The following SNX29 variants were observed in gnomAD, a reference collection of about 807,000 sequenced individuals.
The protein encoded by SNX29 is sorting nexin 29.
In SNX29, 78 loss-of-function variants were observed where a neutral mutation model predicts 102.1. The ratio of observed to expected loss-of-function variants is 0.76; its 90% confidence interval spans 0.64 to 0.92. The LOEUF is 0.92. SNX29 is among the 40% of genes least tolerant of loss of function. The pLI is 0.00. For missense variants in SNX29, 1,280 were observed against 1,061.7 expected (o/e 1.21, Z -2.86); for synonymous variants, 580 against 414.5 (o/e 1.40, Z -4.85).
At chr16:12,332,335 C>T (rs943279352) in intron 15 of SNX29, among the ~76,000 whole-genome samples, 1 of 152,164 alleles carries the variant, frequency 6.6e-6, no homozygotes, top group African/African-American at 2.4e-5. Flanking sequence ...CTTTCCCCTG[C>T]ATGAAGCTCC....
chr16:12,158,050 A>G (rs1490648229), intron 13 of SNX29, among the ~76,000 whole-genome samples: 1 of 150,832 alleles, frequency 6.6e-6, no homozygotes, highest in Non-Finnish European at 1.5e-5. Flanking sequence ...GACCAACTCC[A>G]GCTGACCGTG....
intron 13 of SNX29, among the ~76,000 whole-genome samples, chr16:12,194,249 T>C (rs369540212): frequency 3.0e-4 from 45 of 152,356 alleles, no homozygotes; most frequent in African/African-American, 9.6e-4. Context: ...GGAGCTGTTA[T>C]AAATGATTCT....
intron 18 of SNX29, among the ~76,000 whole-genome samples, chr16:12,440,706 T>C (rs1597387124): frequency 6.6e-6 from 1 of 152,278 alleles, no homozygotes; most frequent in South Asian, 2.1e-4. Context: ...ATTTTCTGTT[T>C]CTGTGTTAGT....
chr16:12,479,049 T>G (rs1243026922), intron 19 of SNX29, among the ~76,000 whole-genome samples: 1 of 152,224 alleles, frequency 6.6e-6, no homozygotes, highest in African/African-American at 2.4e-5. Flanking sequence ...ATGGTTGTTC[T>G]CAAAGTGTGA....
intron 20 of SNX29, among the ~76,000 whole-genome samples, chr16:12,555,874 C>T (rs989191615): frequency 2.6e-5 from 4 of 151,932 alleles, no homozygotes; most frequent in East Asian, 3.9e-4. Flanking sequence ...CTCCAGAGGC[C>T]GTGCTTTCTG....
intron 20 of SNX29, among the ~76,000 whole-genome samples, chr16:12,554,426 CCTG>C (rs1479061027): frequency 4.6e-5 from 7 of 152,194 alleles, no homozygotes; most frequent in Non-Finnish European, 5.9e-5. Context: ...GTCAGCGTGT[CCTG>C]CTGTTTCCGC....
At chr16:12,507,178 A>G (rs1426684145) in intron 19 of SNX29, among the ~76,000 whole-genome samples, 1 of 152,156 alleles carries the variant, frequency 6.6e-6, no homozygotes, top group Non-Finnish European at 1.5e-5. Context: ...AGACCTGGTA[A>G]GTGGTGCAGC....
intron 20 of SNX29, chr16:12,557,306 G>A (rs1429145207): frequency 6.6e-6 from 1 of 152,212 alleles, no homozygotes; most frequent in Non-Finnish European, 1.5e-5. Context: ...GTACAATTTA[G>A]TGGCAAAGTC....
intron 13 of SNX29, among the ~76,000 whole-genome samples, chr16:12,188,662 C>T (rs1304707924): frequency 6.6e-6 from 1 of 152,118 alleles, no homozygotes; most frequent in East Asian, 1.9e-4. Flanking sequence ...TACCAGGTGG[C>T]TAATGAGATG....
At chr16:12,434,724 C>G (rs1485994674) in intron 18 of SNX29, among the ~76,000 whole-genome samples, 1 of 152,094 alleles carries the variant, frequency 6.6e-6, no homozygotes, top group African/African-American at 2.4e-5. Context: ...CCCTGCTGAC[C>G]TCATCCAGGA....
At chr16:12,258,870 T>A (rs1348932272) in intron 14 of SNX29, among the ~76,000 whole-genome samples, 1 of 152,184 alleles carries the variant, frequency 6.6e-6, no homozygotes, top group East Asian at 1.9e-4. Flanking sequence ...AAGGAGGACT[T>A]CCAGCCTCCC....
At chr16:12,288,701 TAATG>T (rs2079689850) in intron 15 of SNX29, among the ~76,000 whole-genome samples, 1 of 149,050 alleles carries the variant, frequency 6.7e-6, no homozygotes, top group African/African-American at 2.5e-5. Flanking sequence ...AAAAAAAAGA[TAATG>T]AAGGTAATAG....
chr16:12,175,426 C>T (rs1176771749), intron 13 of SNX29, among the ~76,000 whole-genome samples: 2 of 151,690 alleles, frequency 1.3e-5, no homozygotes, highest in Non-Finnish European at 1.5e-5. Context: ...GTCAGGAGTT[C>T]GAGCCCAGCC....
intron 13 of SNX29, among the ~76,000 whole-genome samples, chr16:12,161,180 C>G (rs1335510182): frequency 6.6e-6 from 1 of 152,188 alleles, no homozygotes; most frequent in Non-Finnish European, 1.5e-5. Context: ...AATTCATGGC[C>G]CTTGAAGCCA....
At chr16:12,332,788 C>T (rs209834) in intron 15 of SNX29, among the ~76,000 whole-genome samples, 59,116 of 152,016 alleles carry the variant, frequency 0.39, 13,308 homozygotes, top group Non-Finnish European at 0.53. Flanking sequence ...CTGGTCTCCT[C>T]GTCAGTCCTC....
intron 13 of SNX29, among the ~76,000 whole-genome samples, chr16:12,196,966 C>T (rs1472364777): frequency 6.6e-6 from 1 of 152,112 alleles, no homozygotes; most frequent in African/African-American, 2.4e-5. Context: ...TGAAAGATTT[C>T]TTCAAACTAG....
chr16:12,076,847 C>T (rs376091477), intron 10 of SNX29, among the ~76,000 whole-genome samples: 1 of 152,192 alleles, frequency 6.6e-6, no homozygotes, highest in East Asian at 1.9e-4. Context: ...CATGGTCTTA[C>T]CTGGAACAGT....
At chr16:12,182,304 C>A (rs1228135839) in intron 13 of SNX29, among the ~76,000 whole-genome samples, 1 of 151,792 alleles carries the variant, frequency 6.6e-6, no homozygotes. Flanking sequence ...AATACTAATC[C>A]CCCTTTGATA....
At chr16:12,548,128 G>T (rs142449834) in intron 20 of SNX29, among the ~76,000 whole-genome samples, 2 of 152,306 alleles carry the variant, frequency 1.3e-5, no homozygotes, top group Non-Finnish European at 2.9e-5. Flanking sequence ...GGACAAGTAG[G>T]AATTTTCTAT....
Sources: gnomAD v4.1 joint callset for allele counts (sites outside exome capture counted in the v4.1 genomes callset) on GRCh38, gnomAD v4.1.1 for gene constraint, MANE v1.5 for transcripts, NCBI Gene and HGNC (gene_info 2026-07-23, HGNC 2026-07-21) for gene names.